CSMD1: variants seen among roughly 807,000 people sequenced by gnomAD.
CSMD1 encodes the protein CUB and sushi domain-containing protein 1.
In CSMD1, 213 loss-of-function variants were observed where a neutral mutation model predicts 417.5. The ratio of observed to expected loss-of-function variants is 0.51; its 90% CI spans 0.46 to 0.57. The LOEUF is 0.57. Among genes scored for constraint, CSMD1 ranks in the 20% least tolerant of loss-of-function variants. The pLI is 0.00. For missense variants in CSMD1, 6,923 were observed against 4,529.7 expected, an observed-to-expected ratio of 1.53 and a Z score of -15.17; for synonymous variants, 2,862 against 1,736.8, an observed-to-expected ratio of 1.65 and a Z score of -16.11.
chr8:3,059,292 C>T (rs980459398), intron 49 of CSMD1, among the ~76,000 whole-genome samples: 1 of 149,468 alleles, frequency 6.7e-6, no homozygotes, highest in African/African-American at 2.5e-5. Context: ...CCAGGATAAA[C>T]GTTTACCAAA....
At chr8:4,948,696 A>G (rs1311656018) in intron 1 of CSMD1, among the ~76,000 whole-genome samples, 4 of 152,112 alleles carry the variant, frequency 2.6e-5, no homozygotes, top group Non-Finnish European at 4.4e-5. Context: ...ATTTGTGTGT[A>G]TAATCTTTTG....
At chr8:3,773,415 T>C (rs1446140228) in intron 5 of CSMD1, among the ~76,000 whole-genome samples, 1 of 151,938 alleles carries the variant, frequency 6.6e-6, no homozygotes, top group Non-Finnish European at 1.5e-5. Context: ...GCCTCCAGAG[T>C]AGCTGGGACG....
At chr8:3,722,241 G>C (rs1334019105) in intron 6 of CSMD1, among the ~76,000 whole-genome samples, 2 of 152,134 alleles carry the variant, frequency 1.3e-5, no homozygotes, top group African/African-American at 4.8e-5. Context: ...CAGGGAGGCA[G>C]AGATTGCAGT....
chr8:4,210,441 C>A (rs1337287340), intron 3 of CSMD1, among the ~76,000 whole-genome samples: 4 of 151,854 alleles, frequency 2.6e-5, no homozygotes, highest in Admixed American at 6.5e-5. Context: ...TCATTTTAAA[C>A]AAAAAAGATC....
intron 6 of CSMD1, among the ~76,000 whole-genome samples, chr8:3,721,168 C>G (rs1230753211): frequency 3.3e-5 from 5 of 152,068 alleles, no homozygotes; most frequent in Non-Finnish European, 5.9e-5. Flanking sequence ...TCCTGAAACA[C>G]CATTTTTTTT....
At chr8:3,924,432 T>C (rs1415237097) in intron 5 of CSMD1, among the ~76,000 whole-genome samples, 1 of 152,204 alleles carries the variant, frequency 6.6e-6, no homozygotes, top group Non-Finnish European at 1.5e-5. Flanking sequence ...TGGAAAGCTT[T>C]TGTCATTATT....
In CSMD1 at chr8:4,004,901, T is replaced by A. The variant is rs200344618; in HGVS notation, c.611-6791A>T. Among the ~76,000 whole-genome samples the A allele has an allele frequency of 2.0e-5, 3 of 151,742 alleles. No homozygotes were observed. The East Asian group carries it at 5.8e-4, about 30-fold the overall frequency. ...CTGGGACTACAGGCGCCCGCCACCA[T>A]GCCCAGCTAATTTTTTGTATTTTTA... On this transcript the variant is annotated intron_variant, in intron 4 of 69. Transcript: ENST00000635120.
chr8:4,991,689 C>A (rs1281538867), intron 1 of CSMD1, among the ~76,000 whole-genome samples: 1 of 152,098 alleles, frequency 6.6e-6, no homozygotes, highest in Non-Finnish European at 1.5e-5. Flanking sequence ...AGCGCCGACG[C>A]CCCCGGGGGG....
intron 1 of CSMD1, among the ~76,000 whole-genome samples, chr8:4,762,396 T>C (rs1301290962): frequency 1.3e-5 from 2 of 152,186 alleles, no homozygotes; most frequent in African/African-American, 2.4e-5. Context: ...TTTATCGGTA[T>C]TCTGAGCTAT....
At chr8:4,169,090 C>T (rs987893761) in intron 3 of CSMD1, among the ~76,000 whole-genome samples, 1 of 152,178 alleles carries the variant, frequency 6.6e-6, no homozygotes, top group Non-Finnish European at 1.5e-5. Context: ...AGCCTGCTGG[C>T]TTAGTCCTTG....
At chr8:3,336,095 C>T (rs114805839) in intron 23 of CSMD1, among the ~76,000 whole-genome samples, 4,194 of 152,252 alleles carry the variant, frequency 0.028, 196 homozygotes, top group African/African-American at 0.096. Context: ...AATCCCTATC[C>T]CTCCTGAACC....
intron 3 of CSMD1, among the ~76,000 whole-genome samples, chr8:4,206,907 A>G (rs910727022): frequency 6.6e-6 from 1 of 152,234 alleles, no homozygotes; most frequent in Admixed American, 6.5e-5. Context: ...ATATTTTATA[A>G]TTTAGAGTTG....
chr8:4,324,730 G>A (rs536612756), intron 3 of CSMD1, among the ~76,000 whole-genome samples: 17 of 152,326 alleles, frequency 1.1e-4, no homozygotes, highest in African/African-American at 4.1e-4. Context: ...GTTATATATG[G>A]ATGAAGGGTT....
intron 5 of CSMD1, among the ~76,000 whole-genome samples, chr8:3,893,983 C>A (rs1190531019): frequency 6.6e-6 from 1 of 152,102 alleles, no homozygotes; most frequent in Non-Finnish European, 1.5e-5. Flanking sequence ...GGCAACACCT[C>A]TTCCCATCTC....
intron 1 of CSMD1, among the ~76,000 whole-genome samples, chr8:4,938,146 G>A (rs1439777903): frequency 7.9e-5 from 12 of 152,128 alleles, no homozygotes; most frequent in African/African-American, 2.4e-4. Flanking sequence ...GTGCACTGAT[G>A]TCAGAACATA....
At chr8:3,486,662 G>T (rs1020251381) in intron 11 of CSMD1, among the ~76,000 whole-genome samples, 1 of 152,236 alleles carries the variant, frequency 6.6e-6, no homozygotes, top group African/African-American at 2.4e-5. Context: ...CTTATTTGCA[G>T]CAGCAGCTGC....
At chr8:4,088,489 C>A (rs570419880) in intron 3 of CSMD1, among the ~76,000 whole-genome samples, 2 of 152,310 alleles carry the variant, frequency 1.3e-5, no homozygotes, top group South Asian at 2.1e-4. Context: ...CACTGGTTAT[C>A]CATCTTCTTC....
At chr8:3,952,947 G>A (rs572962765) in intron 5 of CSMD1, among the ~76,000 whole-genome samples, 3 of 151,750 alleles carry the variant, frequency 2.0e-5, no homozygotes, top group Non-Finnish European at 4.4e-5. Context: ...GAAAAAGAAA[G>A]GAATACAAAA....
chr8:4,014,700 T>G (rs1796438812), intron 4 of CSMD1, among the ~76,000 whole-genome samples: 1 of 152,190 alleles, frequency 6.6e-6, no homozygotes, highest in South Asian at 2.1e-4. Context: ...AGGCTGGAGC[T>G]AGAATGACAA....
Sources: allele counts gnomAD v4.1 joint callset (sites outside exome capture counted in the v4.1 genomes callset), GRCh38; gene constraint gnomAD v4.1.1; transcripts MANE v1.5; gene names NCBI Gene and HGNC (gene_info 2026-07-23, HGNC 2026-07-21).